The following TRDMT1 variants were observed in gnomAD, a reference collection of about 807,000 sequenced individuals.
The protein encoded by TRDMT1 is tRNA aspartic acid methyltransferase 1.
TRDMT1 carries 49 observed loss-of-function variants against 51.2 expected under a neutral mutation model. The ratio of observed to expected loss-of-function variants is 0.96; its 90% CI spans 0.76 to 1.21. TRDMT1 has a LOEUF of 1.21. Among genes scored for constraint, TRDMT1 ranks in the 50% most tolerant of loss-of-function variants. The pLI is 0.00. For synonymous variants in TRDMT1, 187 were observed against 164.6 expected, an observed-to-expected ratio of 1.14 and a Z score of -1.04; for missense variants, 534 against 462.3, an observed-to-expected ratio of 1.16 and a Z score of -1.42.
chr10:17,173,397 T>C (rs1009728194), intron 2 of TRDMT1, among the ~76,000 whole-genome samples: 1 of 152,156 alleles, frequency 6.6e-6, no homozygotes, highest in Non-Finnish European at 1.5e-5. Flanking sequence ...CAAAACATGA[T>C]GAATTCCAAA....
intron 3 of TRDMT1, among the ~76,000 whole-genome samples, chr10:17,162,958 T>A (rs1250880084): frequency 6.6e-6 from 1 of 152,204 alleles, no homozygotes; most frequent in African/African-American, 2.4e-5. Context: ...GCTGGCTGAC[T>A]ACACTTTTTG....
chr10:17,194,356 C>G (rs921712368), intron 1 of TRDMT1, among the ~76,000 whole-genome samples: 1 of 152,134 alleles, frequency 6.6e-6, no homozygotes, highest in Non-Finnish European at 1.5e-5. Context: ...AAACTATCAA[C>G]AGAGTAAACA....
At chr10:17,175,974 T>C (rs1260247396) in intron 1 of TRDMT1, among the ~76,000 whole-genome samples, 1 of 152,226 alleles carries the variant, frequency 6.6e-6, no homozygotes, top group Non-Finnish European at 1.5e-5. Flanking sequence ...CATAGACAGC[T>C]GCCTCTTCTG....
chr10:17,172,963 C>G (rs993961781), intron 2 of TRDMT1, among the ~76,000 whole-genome samples: 1 of 151,678 alleles, frequency 6.6e-6, no homozygotes, highest in Non-Finnish European at 1.5e-5. Context: ...GAGAATCCAA[C>G]AGGAAAATAA....
intron 2 of TRDMT1, 60 bp from the exon 3 acceptor site, chr10:17,168,977 AG>A: frequency 9.2e-7 from 1 of 1,089,690 alleles, no homozygotes; most frequent in Non-Finnish European, 1.3e-6. Context: ...AATGGGGAAG[AG>A]GGAAAATACT....
chr10:17,145,917 T>C lies in TRDMT1; in HGVS notation c.*3123A>G. On this transcript the variant is annotated 3_prime_UTR_variant, in exon 11 of 11. Coordinates refer to ENST00000377799, the MANE Select transcript of TRDMT1 (RefSeq NM_004412.7). ...TGTATTTATCTTTAGTTCATTTCTC[T>C]CTCCTCAGAAGTCTCCAGCTTAATC... 1 of 985,434 alleles carries C rather than the reference T, an allele frequency of 1.0e-6. No individual in the cohort carries two copies. The highest frequency in any genetic ancestry group is 1.2e-6 in the Non-Finnish European group (1 of 829,946). 61.0% of individuals were successfully genotyped at this position (985,434 alleles called of 1,614,324 possible).
At position 17,143,130 on chromosome 10, in the gene TRDMT1, A is replaced by G. The variant is rs983704146; in HGVS notation, c.*5910T>C. The G allele has an allele frequency of 7.1e-6, 7 of 985,318 alleles. No homozygotes were observed. The African/African-American group carries it at 1.2e-4, about 17-fold the overall frequency. 61.0% of individuals were successfully genotyped at this position (985,318 alleles called of 1,614,324 possible). On this transcript the variant is annotated 3_prime_UTR_variant, in exon 11 of 11. Transcript: ENST00000377799. Reference sequence around the variant, plus strand: ...GAAGTGGCAGTAACAGACAAATTAAATAGTTTTCAAGAGAACAACTTAAAG... The same window carrying G: ...GAAGTGGCAGTAACAGACAAATTAAGTAGTTTTCAAGAGAACAACTTAAAG...
chr10:17,146,650 A>C lies in TRDMT1; in HGVS notation c.*2390T>G. The C allele has an allele frequency of 2.0e-6, 2 of 985,396 alleles. No homozygotes were observed. Among genetic ancestry groups the C allele is most frequent in the Non-Finnish European group, 2.4e-6 (2 of 829,900 alleles). The allele number at this position is 985,396 out of a possible 1,614,324, so 61.0% of individuals were successfully genotyped here. A position where few individuals can be genotyped will look rare whatever the true frequency, so the allele number is the denominator to read the frequency against. On this transcript the variant is annotated 3_prime_UTR_variant, in exon 11 of 11. Transcript: ENST00000377799. ...GAGAACGAAAAATCGGTTTACTGTA[A>C]GGTATGGTGAAGACTGAATTACACA...
chr10:17,160,696 C>T (rs1448696028), intron 5 of TRDMT1, among the ~76,000 whole-genome samples: 1 of 152,144 alleles, frequency 6.6e-6, no homozygotes, highest in Non-Finnish European at 1.5e-5. Context: ...TGGTCTAGAA[C>T]TCCTGACCTC....
chr10:17,150,968 T>G (rs1838622181), intron 10 of TRDMT1: 1 of 983,352 alleles, frequency 1.0e-6, no homozygotes. Context: ...TGAAAACAAA[T>G]AAGTAAGATT....
intron 3 of TRDMT1, among the ~76,000 whole-genome samples, chr10:17,162,485 T>C (rs1218372095): frequency 1.3e-5 from 2 of 152,218 alleles, no homozygotes; most frequent in East Asian, 3.9e-4. Context: ...GGCAGGTGGA[T>C]CACGTGAGGC....
In TRDMT1 at chr10:17,142,759, C is replaced by G; in HGVS notation, c.*6281G>C. 1 of 161,050 alleles carries G rather than the reference C, an allele frequency of 6.2e-6. No homozygotes were observed. The highest frequency in any genetic ancestry group is 1.3e-5 in the Non-Finnish European group (1 of 76,086). 10.0% of individuals were successfully genotyped at this position (161,050 alleles called of 1,614,324 possible). ...TCGGGAAACATCAAGCCTGGGTAAC[C>G]TTCCTCTGTTGGGTGAGGGGTCAGA... On this transcript the variant is annotated 3_prime_UTR_variant, in exon 11 of 11. Coordinates refer to ENST00000377799, the MANE Select transcript of TRDMT1 (RefSeq NM_004412.7).
At chr10:17,179,364 C>T (rs1842995431) in intron 1 of TRDMT1, among the ~76,000 whole-genome samples, 1 of 152,046 alleles carries the variant, frequency 6.6e-6, no homozygotes, top group African/African-American at 2.4e-5. Context: ...CCAGCATTAC[C>T]CTTAGTCCTG....
intron 1 of TRDMT1, among the ~76,000 whole-genome samples, chr10:17,181,935 G>C (rs906662969): frequency 6.6e-6 from 1 of 152,092 alleles, no homozygotes; most frequent in Non-Finnish European, 1.5e-5. Flanking sequence ...CCTCACTCAT[G>C]CTCTGTTGAA....
chr10:17,145,451 CTTTAAAAA>C lies in TRDMT1; in HGVS notation c.*3581_*3588del. On this transcript the variant is annotated 3_prime_UTR_variant, in exon 11 of 11. Transcript: ENST00000377799. ...GTAGACAGAGGTCCAAAGGCCATGTCTTTAAAAATTATATAATCTCAATGCAATCACAG... is the reference window on the plus strand; with the variant it reads ...GTAGACAGAGGTCCAAAGGCCATGTCTTATATAATCTCAATGCAATCACAG... 2 of 985,324 alleles carry C rather than the reference CTTTAAAAA, an allele frequency of 2.0e-6. No individual in the cohort carries two copies. The highest frequency in any genetic ancestry group is 2.4e-6 in the Non-Finnish European group (2 of 829,918). The allele number at this position is 985,324 out of a possible 1,614,324, so 61.0% of individuals were successfully genotyped here. A position where few individuals can be genotyped will look rare whatever the true frequency, so the allele number is the denominator to read the frequency against.
chr10:17,144,111 C>T lies in TRDMT1; in HGVS notation c.*4929G>A. ...ATGAAAAGTGAAGGGTAGAAAGAGA[C>T]CTGAGGACGGAACCTTCAGATAAGT... is the stretch of plus-strand genomic sequence containing the variant. On this transcript the variant is annotated 3_prime_UTR_variant, in exon 11 of 11. Coordinates refer to ENST00000377799, the MANE Select transcript of TRDMT1 (RefSeq NM_004412.7). 1 of 985,330 alleles carries T rather than the reference C, an allele frequency of 1.0e-6. No individual in the cohort carries two copies. Among genetic ancestry groups the T allele is most frequent in the Non-Finnish European group, 1.2e-6 (1 of 829,904 alleles). The allele number at this position is 985,330 out of a possible 1,614,324, so 61.0% of individuals were successfully genotyped here. A position where few individuals can be genotyped will look rare whatever the true frequency, so the allele number is the denominator to read the frequency against.
In TRDMT1 at chr10:17,148,657, TA is replaced by T; in HGVS notation, c.*382del. 1 of 967,946 alleles carries T rather than the reference TA, an allele frequency of 1.0e-6. No individual in the cohort carries two copies. Among genetic ancestry groups the T allele is most frequent in the South Asian group, 4.8e-5 (1 of 20,938 alleles). 60.0% of individuals were successfully genotyped at this position (967,946 alleles called of 1,614,324 possible). On this transcript the variant is annotated 3_prime_UTR_variant, in exon 11 of 11. Transcript: ENST00000377799. ...AGAATCATTATTTTAAAATTAGAAA[TA>T]AAAAACTTCTTTAATTAACATAAAA...
In TRDMT1 at chr10:17,145,993, T is replaced by G; in HGVS notation, c.*3047A>C. On this transcript the variant is annotated 3_prime_UTR_variant, in exon 11 of 11. Coordinates refer to ENST00000377799, the MANE Select transcript of TRDMT1 (RefSeq NM_004412.7). ...TGGGAGCAAAAACCCAGATGGTGAT[T>G]TCTGCTGAGAACTTCCACCCCTACC... is the stretch of plus-strand genomic sequence containing the variant. The G allele has an allele frequency of 1.0e-6, 1 of 985,472 alleles. No homozygotes were observed. Among genetic ancestry groups the G allele is most frequent in the Non-Finnish European group, 1.2e-6 (1 of 829,956 alleles). The allele number at this position is 985,472 out of a possible 1,614,324, so 61.0% of individuals were successfully genotyped here. A position where few individuals can be genotyped will look rare whatever the true frequency, so the allele number is the denominator to read the frequency against.
Position 17,174,548 on chromosome 10 carries a change from C to G in TRDMT1, c.174+3G>C. ...ACTTATTAAAACAATGACAATTACT[C>G]ACTTCAATCGTCTTGGCAAGTAACT... On this transcript the variant is annotated splice_donor_region_variant and intron_variant, in intron 2 of 10. Transcript: ENST00000377799. 1 of 1,578,888 alleles carries G rather than the reference C, an allele frequency of 6.3e-7. No homozygotes were observed. Among genetic ancestry groups the G allele is most frequent in the Non-Finnish European group, 8.7e-7 (1 of 1,148,174 alleles).
Sources: gnomAD v4.1 joint callset for allele counts (sites outside exome capture counted in the v4.1 genomes callset) on GRCh38, gnomAD v4.1.1 for gene constraint, MANE v1.5 for transcripts, NCBI Gene and HGNC (gene_info 2026-07-23, HGNC 2026-07-21) for gene names.